EZH1: variants seen among roughly 807,000 people sequenced by gnomAD.
EZH1 encodes the protein enhancer of zeste 1 polycomb repressive complex 2 subunit.
A neutral mutation model predicts 100.5 loss-of-function variants in EZH1; 33 were observed. That is an observed-to-expected ratio of 0.33 (90% CI 0.25 to 0.44). The LOEUF is 0.44. Ranked by LOEUF, EZH1 falls within the 20% of genes least tolerant of loss-of-function variation. The probability of loss-of-function intolerance (pLI) is 1.00; values close to 1 mark genes in which losing one functional copy is unlikely to be tolerated. For synonymous variants in EZH1, 272 were observed against 313.8 expected, an observed-to-expected ratio of 0.87 and a Z score of 1.41; for missense variants, 475 against 928.4, an observed-to-expected ratio of 0.51 and a Z score of 6.35.
rs2054163791 is a variant in EZH1, at chr17:42,740,887, A to G, written c.-103+4124T>C. On this transcript the variant is annotated intron_variant, in intron 1 of 20. Coordinates refer to ENST00000428826, the MANE Select transcript of EZH1 (RefSeq NM_001991.5). ...CCAACTACCCATTAAGTAACTCATG[A>G]CTTTAGGGTGTAGTGTACTCAAGTC... Among the ~76,000 whole-genome samples, 3 of 152,220 alleles carry G rather than the reference A, an allele frequency of 2.0e-5. No homozygotes were observed. The South Asian group carries it at 6.2e-4, about 31-fold the overall frequency.
In EZH1 at chr17:42,708,091, A is replaced by G; in HGVS notation, c.1535-8T>C. 1 of 1,596,822 alleles carries G rather than the reference A, an allele frequency of 6.3e-7. No individual in the cohort carries two copies. Reference sequence around the variant, plus strand: ...CTTGTGTGGAAGAGTTATCTAGGAAAGAAAACAGAGGAGGATGCTGCTGTG... The same window carrying G: ...CTTGTGTGGAAGAGTTATCTAGGAAGGAAAACAGAGGAGGATGCTGCTGTG... On this transcript the variant is annotated splice_polypyrimidine_tract_variant and splice_region_variant and intron_variant, in intron 14 of 20. Coordinates refer to ENST00000428826, the MANE Select transcript of EZH1 (RefSeq NM_001991.5).
At chr17:42,703,864 T>C (rs2143705571) in intron 18 of EZH1, 44 bp from the exon 19 acceptor site, 1 of 1,314,486 alleles carries the variant, frequency 7.6e-7, no homozygotes, top group Non-Finnish European at 1.1e-6. Context: ...CAGCAGGCAA[T>C]TCCACAGCTT....
Position 42,722,922 on chromosome 17 carries a change from C to T in EZH1, c.367-7G>A. 1 of 1,612,698 alleles carries T rather than the reference C, an allele frequency of 6.2e-7. No homozygotes were observed. ...AAACCGTCTCATCTTCTACCTGAAACCAAACCAGATGTGATTTATTCCATG... is the reference window on the plus strand; with the variant it reads ...AAACCGTCTCATCTTCTACCTGAAATCAAACCAGATGTGATTTATTCCATG... On this transcript the variant is annotated splice_polypyrimidine_tract_variant and splice_region_variant and intron_variant, in intron 5 of 20. Coordinates refer to ENST00000428826, the MANE Select transcript of EZH1 (RefSeq NM_001991.5).
intron 10 of EZH1, among the ~76,000 whole-genome samples, chr17:42,715,922 C>T (rs908597480): frequency 6.6e-6 from 1 of 151,892 alleles, no homozygotes; most frequent in African/African-American, 2.4e-5. Context: ...TGGCGCATGC[C>T]TGTAATCCCA....
At chr17:42,712,679 G>T (rs997171770) in intron 11 of EZH1, among the ~76,000 whole-genome samples, 194 bp from the exon 12 acceptor site, 2 of 152,088 alleles carry the variant, frequency 1.3e-5, no homozygotes, top group Non-Finnish European at 2.9e-5. Context: ...GAGGTGGGTG[G>T]ATTGCTTGAG....
At chr17:42,726,594 C>T (rs192110872) in intron 4 of EZH1, among the ~76,000 whole-genome samples, 11 of 151,976 alleles carry the variant, frequency 7.2e-5, no homozygotes, top group Admixed American at 3.9e-4. Context: ...TCACTGCAAC[C>T]TCCACCTCCC....
chr17:42,730,467 G>C (rs1005459450), intron 2 of EZH1, among the ~76,000 whole-genome samples: 2 of 129,132 alleles, frequency 1.5e-5, no homozygotes, highest in Non-Finnish European at 3.3e-5. Flanking sequence ...AAGGTTCAAC[G>C]TTTTAAAGAA....
chr17:42,716,192 G>A (rs1351907479), intron 10 of EZH1, among the ~76,000 whole-genome samples: 2 of 151,934 alleles, frequency 1.3e-5, no homozygotes, highest in Non-Finnish European at 2.9e-5. Context: ...TAATAGAATG[G>A]GTAATAGAGG....
intron 14 of EZH1, among the ~76,000 whole-genome samples, chr17:42,708,520 T>A (rs2053407973): frequency 6.6e-6 from 1 of 152,076 alleles, no homozygotes; most frequent in African/African-American, 2.4e-5. Flanking sequence ...CCAGGCATGG[T>A]GGTACATGCC....
At chr17:42,708,794 T>C in intron 14 of EZH1, 82 bp downstream of exon 14, 7 of 1,457,438 alleles carry the variant, frequency 4.8e-6, no homozygotes, top group Non-Finnish European at 6.7e-6. Flanking sequence ...GGTCAACAAG[T>C]GCAGCTGGAG....
Position 42,719,221 on chromosome 17 carries a change from G to C in EZH1, c.665-14C>G. The C allele has an allele frequency of 6.3e-7, 1 of 1,595,868 alleles. No homozygotes were observed. Among genetic ancestry groups the C allele is most frequent in the Non-Finnish European group, 8.6e-7 (1 of 1,163,856 alleles). On this transcript the variant is annotated splice_polypyrimidine_tract_variant and intron_variant, in intron 7 of 20. Transcript: ENST00000428826. ...TCTTTTTGTTGCCTGAATTGGAAAT[G>C]ATAAAAAGCTCCTGAGTGCGATTAT...
intron 10 of EZH1, among the ~76,000 whole-genome samples, chr17:42,714,974 T>C (rs1390468380): frequency 7.2e-6 from 1 of 139,278 alleles, no homozygotes; most frequent in African/African-American, 2.6e-5. Flanking sequence ...ATATGAAATT[T>C]ATATAAATAT....
chr17:42,728,795 A>T, intron 3 of EZH1, 30 bp downstream of exon 3: 1 of 1,607,166 alleles, frequency 6.2e-7, no homozygotes, highest in Non-Finnish European at 8.5e-7. Context: ...ATTGAAATAT[A>T]TAAACTTTCA....
rs1434376331 is a variant in EZH1, at chr17:42,706,614, G to T, written c.1661-429C>A. Among the ~76,000 whole-genome samples the T allele has an allele frequency of 1.3e-5, 2 of 152,072 alleles. No homozygotes were observed. Among genetic ancestry groups the T allele is most frequent in the East Asian group, 3.8e-4 (2 of 5,198 alleles). ...TAGGGGGATGAATGGCTTGAGCCAGGGAGGTTGAGGCTGCAGTGAGCCATA... is the reference window on the plus strand; with the variant it reads ...TAGGGGGATGAATGGCTTGAGCCAGTGAGGTTGAGGCTGCAGTGAGCCATA... On this transcript the variant is annotated intron_variant, in intron 15 of 20. Coordinates refer to ENST00000428826, the MANE Select transcript of EZH1 (RefSeq NM_001991.5). This position sits in a 1 kb window ranked among gnomAD's most constrained non-coding sequence, Gnocchi z 4.4.
At chr17:42,707,085 A>G (rs1361076348) in intron 15 of EZH1, among the ~76,000 whole-genome samples, 2 of 152,140 alleles carry the variant, frequency 1.3e-5, no homozygotes, top group Admixed American at 6.5e-5. Context: ...AAGTACCCGG[A>G]TGTCTCTGCT....
chr17:42,714,106 A>G (rs1418738695), intron 10 of EZH1, among the ~76,000 whole-genome samples: 2 of 152,240 alleles, frequency 1.3e-5, no homozygotes, highest in Non-Finnish European at 2.9e-5. Context: ...TGAAACTCAG[A>G]AGAATATTGT....
In EZH1 at chr17:42,716,247, T is replaced by A. The variant is rs2053602891; in HGVS notation, c.1023+1729A>T. Among the ~76,000 whole-genome samples, 3 of 152,116 alleles carry A rather than the reference T, an allele frequency of 2.0e-5. No individual in the cohort carries two copies. The South Asian group carries it at 6.2e-4, about 32-fold the overall frequency. On this transcript the variant is annotated intron_variant, in intron 10 of 20. Transcript: ENST00000428826. ...AATTGTCCTAGGTGTAATAATGTGGTTATGTAAGAGAATGTCTTTATGCTG... is the reference window on the plus strand; with the variant it reads ...AATTGTCCTAGGTGTAATAATGTGGATATGTAAGAGAATGTCTTTATGCTG...
Position 42,705,122 on chromosome 17 carries a change from T to C in EZH1, c.1901A>G (p.Gln634Arg). ...GWGTFIKESV[Q>R]KNEFISEYCG... is the part of the protein sequence containing the mutation. Reference sequence around the variant, plus strand: ...GTATTCAGAAATGAATTCGTTCTTCTGCACAGACTCCTTTATGAAGGTGCC... The same window carrying C: ...GTATTCAGAAATGAATTCGTTCTTCCGCACAGACTCCTTTATGAAGGTGCC... Residue 634 changes from glutamine (Q) to arginine (R), a missense_variant, in exon 17 of 21, where the codon CAG becomes CGG. Gln to Arg is a conservative substitution (Grantham distance 43). Transcript: ENST00000428826. 3 of 1,613,752 alleles carry C rather than the reference T, an allele frequency of 1.9e-6. No homozygotes were observed. The highest frequency in any genetic ancestry group is 2.5e-6 in the Non-Finnish European group (3 of 1,179,816).
chr17:42,738,157 C>A (rs2054101502), intron 1 of EZH1, among the ~76,000 whole-genome samples: 1 of 124,944 alleles, frequency 8.0e-6, no homozygotes, highest in Admixed American at 9.9e-5. Flanking sequence ...GCCTGGGCGA[C>A]AGAGCAAGAC....
Sources: gnomAD v4.1 joint callset for allele counts (sites outside exome capture counted in the v4.1 genomes callset) on GRCh38, gnomAD v4.1.1 for gene constraint, Gnocchi (gnomAD v3.1) non-coding constraint, MANE v1.5 for transcripts, NCBI Gene and HGNC (gene_info 2026-07-23, HGNC 2026-07-21) for gene names.